SCAP: variants seen among roughly 807,000 people sequenced by gnomAD.
The protein encoded by SCAP is sterol regulatory element-binding protein cleavage-activating protein.
In SCAP, 65 loss-of-function variants were observed where a neutral mutation model predicts 123.6. That is an observed-to-expected ratio of 0.53 (90% CI 0.43 to 0.65). SCAP has a LOEUF of 0.65. Ranked by LOEUF, SCAP falls within the 30% of genes least tolerant of loss-of-function variation. The probability of loss-of-function intolerance (pLI) is 0.00; values close to 1 mark genes in which losing one functional copy is unlikely to be tolerated. For missense variants in SCAP, 1,398 were observed against 1,712.5 expected, an observed-to-expected ratio of 0.82 and a Z score of 3.24; for synonymous variants, 740 against 726.3, an observed-to-expected ratio of 1.02 and a Z score of -0.30.
rs766613246 is a variant in SCAP, at chr3:47,419,754, A to C, written c.1564-50T>G. 6.6e-7 allele frequency: 1 copy of C among 1,505,124 alleles called. No homozygotes were observed. Among genetic ancestry groups the C allele is most frequent in the Admixed American group, 2.3e-5 (1 of 43,172 alleles). The allele number at this position is 1,505,124 out of a possible 1,614,324, so 93.2% of individuals were successfully genotyped here. ...GTGGGAGGAATGGGCCCCAACCCCCAGCAGCTTCAGCCCTCATGCTGAGAG... is the reference window on the plus strand; with the variant it reads ...GTGGGAGGAATGGGCCCCAACCCCCCGCAGCTTCAGCCCTCATGCTGAGAG... On this transcript the variant is annotated intron_variant, in intron 12 of 22. Transcript: ENST00000265565. The surrounding 1 kb of genome is among the most constrained non-coding windows in gnomAD (Gnocchi z 5.0).
chr3:47,452,343 G>C (rs2107958177), intron 1 of SCAP, among the ~76,000 whole-genome samples: 1 of 151,886 alleles, frequency 6.6e-6, no homozygotes, highest in African/African-American at 2.4e-5. Flanking sequence ...GGGCAACACA[G>C]TGAGACCCTG....
chr3:47,420,098 C>T lies in SCAP; in HGVS notation c.1564-394G>A, dbSNP rs1403685829. 1.3e-5 allele frequency among the ~76,000 whole-genome samples: 2 copies of T among 152,200 alleles called. No individual in the cohort carries two copies. Among genetic ancestry groups the T allele is most frequent in the Admixed American group, 1.3e-4 (2 of 15,282 alleles). Reference sequence around the variant, plus strand: ...CCCAGAGGTCCTAGTCCCAGGGGGCCTCAGCCTTCCTCCCATCTCAGTTCA... The same window carrying T: ...CCCAGAGGTCCTAGTCCCAGGGGGCTTCAGCCTTCCTCCCATCTCAGTTCA... On this transcript the variant is annotated intron_variant, in intron 12 of 22. Transcript: ENST00000265565. The surrounding 1 kb of genome is among the most constrained non-coding windows in gnomAD (Gnocchi z 5.0).
chr3:47,421,793 G>A (rs1270438910), intron 10 of SCAP, among the ~76,000 whole-genome samples: 2 of 152,074 alleles, frequency 1.3e-5, no homozygotes, highest in Admixed American at 6.5e-5. Flanking sequence ...GGGAAAGACG[G>A]GCGAGAAAAG....
rs909661425 is a variant in SCAP at position 47,431,322 on chromosome 3, G to A, written c.253-2652C>T. Among the ~76,000 whole-genome samples the A allele has an allele frequency of 1.9e-3, 5 of 2,644 alleles. No homozygotes were observed. The Non-Finnish European group carries it at 0.04, about 21-fold the overall frequency. 1.7% of individuals were successfully genotyped at this position (2,644 alleles called of 152,430 possible). ...GTACGTGAATTTTTAAATAATTTAG[G>A]AGGCTGAGGTATATAAAAAGAAGGA... On this transcript the variant is annotated intron_variant, in intron 3 of 22. Coordinates refer to ENST00000265565, the MANE Select transcript of SCAP (RefSeq NM_012235.4).
intron 1 of SCAP, among the ~76,000 whole-genome samples, chr3:47,445,705 G>A (rs775904584): frequency 1.3e-5 from 2 of 151,918 alleles, no homozygotes; most frequent in African/African-American, 2.4e-5. Flanking sequence ...CCTTGTAGCT[G>A]GGAGCACAGG....
In SCAP at chr3:47,443,040, T is replaced by C; in HGVS notation, c.-47A>G. The C allele has an allele frequency of 6.2e-7, 1 of 1,611,598 alleles. No homozygotes were observed. The highest frequency in any genetic ancestry group is 8.5e-7 in the Non-Finnish European group (1 of 1,179,552). On this transcript the variant is annotated 5_prime_UTR_variant, in exon 2 of 23. An upstream open reading frame in the 5' UTR loses its in-frame stop. Coordinates refer to ENST00000265565, the MANE Select transcript of SCAP (RefSeq NM_012235.4). Reference sequence around the variant, plus strand: ...TGCCATCCCGGAAAGTGACCATGGATCACCCTGGCACACACTTGACAGCAC... The same window carrying C: ...TGCCATCCCGGAAAGTGACCATGGACCACCCTGGCACACACTTGACAGCAC...
chr3:47,421,759 C>T (rs759255886), intron 10 of SCAP, among the ~76,000 whole-genome samples: 4 of 152,268 alleles, frequency 2.6e-5, no homozygotes, highest in African/African-American at 4.8e-5. Flanking sequence ...CACCCCCATC[C>T]CTCAGCTGGC....
chr3:47,462,571 G>C (rs1707682050), intron 1 of SCAP, among the ~76,000 whole-genome samples: 2 of 151,942 alleles, frequency 1.3e-5, no homozygotes, highest in Non-Finnish European at 2.9e-5. Context: ...GGCTAACACG[G>C]TGAAACCCCG....
chr3:47,456,608 A>G (rs901261177), intron 1 of SCAP, among the ~76,000 whole-genome samples: 6 of 151,648 alleles, frequency 4.0e-5, no homozygotes, highest in Non-Finnish European at 8.8e-5. Flanking sequence ...TCTACTAAAA[A>G]TACAAAAATT....
chr3:47,450,733 C>A lies in SCAP; in HGVS notation c.-98-7642G>T, dbSNP rs1318697402. On this transcript the variant is annotated intron_variant, in intron 1 of 22. Coordinates refer to ENST00000265565, the MANE Select transcript of SCAP (RefSeq NM_012235.4). The stretch of plus-strand genomic sequence containing the variant: ...CAGGCTGGTCTCAAACTCCTGGGCT[C>A]AAGCAATCCTCCTGCCTCAATTTCC... Among the ~76,000 whole-genome samples the A allele has an allele frequency of 7.3e-5, 9 of 123,924 alleles. 3 individuals carry two copies. Among genetic ancestry groups the A allele is most frequent in the African/African-American group, 2.5e-4 (9 of 36,226 alleles). 81.3% of individuals were successfully genotyped at this position (123,924 alleles called of 152,430 possible). A position where few individuals can be genotyped will look rare whatever the true frequency, so the allele number is the denominator to read the frequency against.
chr3:47,469,116 G>A (rs1404556887), intron 1 of SCAP, among the ~76,000 whole-genome samples: 1 of 152,222 alleles, frequency 6.6e-6, no homozygotes, highest in Non-Finnish European at 1.5e-5. Flanking sequence ...GGGATGCCAA[G>A]GTGGGCAGAT....
chr3:47,414,531 C>T, intron 21 of SCAP, 41 bp downstream of exon 21: 1 of 1,608,692 alleles, frequency 6.2e-7, no homozygotes, highest in Non-Finnish European at 8.5e-7. Flanking sequence ...AAACATGGGC[C>T]ACAGACTCTG....
At chr3:47,418,018 G>C (rs1576249608) in intron 16 of SCAP, 116 bp downstream of exon 16, 1 of 605,688 alleles carries the variant, frequency 1.7e-6, no homozygotes, top group Non-Finnish European at 2.9e-6. Context: ...GGGAGAGGGG[G>C]CCTGGAGGGG....
chr3:47,414,195 G>T lies in SCAP; in HGVS notation c.3579C>A (p.Phe1193Leu). ...TCCCCTCTACCTGCTGAATGGAGTA[G>T]AACTTGATGCCTGTGCTGCGGTCCC... is the stretch of plus-strand genomic sequence containing the variant. Reference protein sequence around the residue: ...SIWDRSTGIKFYSIQQDLGCG... With the variant: ...SIWDRSTGIKLYSIQQDLGCG... Residue 1193 changes from phenylalanine to leucine, a missense_variant, in exon 22 of 23, where the codon TTC (phenylalanine) becomes TTA (leucine). Around this residue, in one of 7 missense-constraint regions of SCAP, gnomAD observed 130 missense variants for 166.7 expected, o/e 0.78. Transcript: ENST00000265565. The T allele has an allele frequency of 6.2e-7, 1 of 1,613,698 alleles. No individual in the cohort carries two copies. Among genetic ancestry groups the T allele is most frequent in the Non-Finnish European group, 8.5e-7 (1 of 1,180,018 alleles).
chr3:47,414,681 G>C (rs761196193), intron 20 of SCAP, 29 bp from the exon 21 acceptor site: 1 of 1,612,740 alleles, frequency 6.2e-7, no homozygotes, highest in South Asian at 1.1e-5. Context: ...TCAGGTTCTG[G>C]TCTCTGGGAT....
rs149824484 is a variant in SCAP at position 47,422,526 on chromosome 3, G to A, written c.1161C>T (p.Ser387=). ...VKLRIAQGLS[S]ESWSIMKNMA... ...TGTTCTTCATGATGGACCAGCTCTCGCTGCTTAGGCCTGCAGAGGGCAGCA... is the reference window on the plus strand; with the variant it reads ...TGTTCTTCATGATGGACCAGCTCTCACTGCTTAGGCCTGCAGAGGGCAGCA... The change falls in exon 10 of 23, where the codon AGC becomes AGT. Residue 387 remains serine (S), a synonymous_variant. Transcript: ENST00000265565. The A allele has an allele frequency of 3.1e-6, 5 of 1,612,390 alleles. No individual in the cohort carries two copies. The highest frequency in any genetic ancestry group is 3.3e-5 in the Admixed American group (2 of 59,942).
In SCAP at chr3:47,427,693, C is replaced by G. The variant is rs920817567; in HGVS notation, c.411-26G>C. The G allele has an allele frequency of 3.1e-6, 5 of 1,596,336 alleles. No individual in the cohort carries two copies. In the African/African-American group the frequency reaches 6.7e-5, roughly 21 times the overall value. ...CTGCACAGGAGACAGGACAAGGCAC[C>G]TGCTGTGTCTGCCACCACAGGGCAG... On this transcript the variant is annotated intron_variant, in intron 4 of 22. Transcript: ENST00000265565.
chr3:47,465,969 C>T (rs1707810750), intron 1 of SCAP, among the ~76,000 whole-genome samples: 1 of 151,694 alleles, frequency 6.6e-6, no homozygotes, highest in African/African-American at 2.4e-5. Context: ...CCCGTCTCTA[C>T]TAAAAATACA....
intron 1 of SCAP, among the ~76,000 whole-genome samples, chr3:47,460,665 C>G (rs547424681): frequency 4.0e-4 from 61 of 152,260 alleles, no homozygotes; most frequent in Non-Finnish European, 6.6e-4. Flanking sequence ...TCAAGCGATT[C>G]TCCTGCCTCA....
Sources: allele counts gnomAD v4.1 joint callset (sites outside exome capture counted in the v4.1 genomes callset), GRCh38; gene constraint gnomAD v4.1.1; regional missense constraint gnomAD v4.1.1; non-coding constraint Gnocchi (gnomAD v3.1); transcripts MANE v1.5; gene names NCBI Gene and HGNC (gene_info 2026-07-23, HGNC 2026-07-21).